The following DCC variants were observed in gnomAD, a reference collection of about 807,000 sequenced individuals.
DCC encodes the protein DCC netrin 1 receptor, also known as netrin receptor DCC.
DCC carries 58 observed loss-of-function variants against 172.5 expected under a neutral mutation model. That is an observed-to-expected ratio of 0.34 (90% CI 0.27 to 0.42). The LOEUF is 0.42. Among genes scored for constraint, DCC ranks in the 10% least tolerant of loss-of-function variants. The probability of loss-of-function intolerance (pLI) is 1.00; values close to 1 mark genes in which losing one functional copy is unlikely to be tolerated. For synonymous variants in DCC, 709 were observed against 644.5 expected, an observed-to-expected ratio of 1.10 and a Z score of -1.52; for missense variants, 1,740 against 1,791.0, an observed-to-expected ratio of 0.97 and a Z score of 0.51.
chr18:52,999,908 T>C (rs1437039392), intron 5 of DCC, among the ~76,000 whole-genome samples: 1 of 152,066 alleles, frequency 6.6e-6, no homozygotes, highest in African/African-American at 2.4e-5. Flanking sequence ...AGGATAGGCC[T>C]TTAATACTGG....
intron 1 of DCC, among the ~76,000 whole-genome samples, chr18:52,644,376 A>G (rs2034969677): frequency 6.6e-6 from 1 of 152,160 alleles, no homozygotes; most frequent in Admixed American, 6.5e-5. Context: ...CAGGAGATCG[A>G]GACCATCCTG....
At chr18:53,469,650 A>C in intron 25 of DCC, among the ~76,000 whole-genome samples, 1 of 151,952 alleles carries the variant, frequency 6.6e-6, no homozygotes. Context: ...CCTTTCCTGC[A>C]TCATCAGTTT....
At chr18:52,652,826 G>A (rs1340706974) in intron 1 of DCC, among the ~76,000 whole-genome samples, 1 of 151,560 alleles carries the variant, frequency 6.6e-6, no homozygotes, top group Non-Finnish European at 1.5e-5. Context: ...GCCTTCATCA[G>A]GGGACTGGTT....
intron 19 of DCC, among the ~76,000 whole-genome samples, chr18:53,404,870 G>A (rs947436156): frequency 2.6e-5 from 4 of 151,992 alleles, no homozygotes; most frequent in Non-Finnish European, 5.9e-5. Flanking sequence ...TACGTTCAAT[G>A]GATCTTACTA....
chr18:53,196,106 G>A lies in DCC; in HGVS notation c.1574-9110G>A, dbSNP rs148228714. On this transcript the variant is annotated intron_variant, in intron 9 of 28. Coordinates refer to ENST00000442544, the MANE Select transcript of DCC (RefSeq NM_005215.4). ...TATTTTTAAGTCAGTGTGATTAGGT[G>A]TATATGACATCAAGCTGTCAGTAAT... is the stretch of plus-strand genomic sequence containing the variant. Among the ~76,000 whole-genome samples the A allele has an allele frequency of 3.8e-3, 580 of 152,290 alleles. 2 individuals are homozygous for A. Among genetic ancestry groups the A allele is most frequent in the African/African-American group, 0.014 (562 of 41,564 alleles).
intron 9 of DCC, among the ~76,000 whole-genome samples, chr18:53,186,503 G>A (rs2055284449): frequency 6.6e-6 from 1 of 152,124 alleles, no homozygotes; most frequent in African/African-American, 2.4e-5. Context: ...TTAGGCAACC[G>A]CTTTGATGGA....
intron 1 of DCC, among the ~76,000 whole-genome samples, chr18:52,647,142 G>T (rs1402898518): frequency 6.6e-6 from 1 of 152,128 alleles, no homozygotes; most frequent in Non-Finnish European, 1.5e-5. Flanking sequence ...TCTCAGTATT[G>T]ACCTTCTCAT....
chr18:52,364,727 A>T (rs1395990316), intron 1 of DCC, among the ~76,000 whole-genome samples: 2 of 152,142 alleles, frequency 1.3e-5, no homozygotes, highest in African/African-American at 4.8e-5. Flanking sequence ...TTGCTTACTC[A>T]TTGATCCTGG....
intron 2 of DCC, among the ~76,000 whole-genome samples, chr18:52,772,858 T>C (rs1223196021): frequency 6.6e-6 from 1 of 152,238 alleles, no homozygotes; most frequent in Non-Finnish European, 1.5e-5. Flanking sequence ...AGTATACATG[T>C]TTCTCCTTCT....
chr18:53,416,283 C>T (rs2270951), intron 21 of DCC, 127 bp downstream of exon 21: 359,929 of 750,360 alleles, frequency 0.48, 92,598 homozygotes, highest in Non-Finnish European at 0.55. Flanking sequence ...ACTGGCGTGA[C>T]GATTAATCTT....
chr18:53,240,769 AT>A (rs1426746832), intron 12 of DCC, among the ~76,000 whole-genome samples: 1 of 151,936 alleles, frequency 6.6e-6, no homozygotes, highest in Non-Finnish European at 1.5e-5. Context: ...TAATATTTCC[AT>A]TTTTCTCTGA....
chr18:52,479,261 A>T (rs924475708), intron 1 of DCC, among the ~76,000 whole-genome samples: 1 of 152,214 alleles, frequency 6.6e-6, no homozygotes, highest in Non-Finnish European at 1.5e-5. Flanking sequence ...GATTTAATCT[A>T]TCTTTTTAAG....
chr18:52,889,517 G>A (rs1308367817), intron 2 of DCC, among the ~76,000 whole-genome samples: 2 of 152,122 alleles, frequency 1.3e-5, no homozygotes, highest in Non-Finnish European at 2.9e-5. Context: ...CAGATATGTA[G>A]CTATTGACAT....
At chr18:52,587,327 A>T (rs1144091) in intron 1 of DCC, among the ~76,000 whole-genome samples, 1 of 152,174 alleles carries the variant, frequency 6.6e-6, no homozygotes, top group African/African-American at 2.4e-5. Flanking sequence ...TTGTTCATAG[A>T]CCCATTGGGC....
intron 2 of DCC, among the ~76,000 whole-genome samples, chr18:52,862,864 T>C (rs2039165594): frequency 6.6e-6 from 1 of 152,190 alleles, no homozygotes; most frequent in Non-Finnish European, 1.5e-5. Context: ...TTTATTTCTT[T>C]AGTTTACTTA....
In DCC at chr18:52,368,862, A is replaced by C. The variant is rs59293722; in HGVS notation, c.91+27984A>C. Among the ~76,000 whole-genome samples, 44 of 152,280 alleles carry C rather than the reference A, an allele frequency of 2.9e-4. 1 individual carries two copies. In the East Asian group the frequency reaches 8.5e-3, roughly 29 times the overall value. ...AAGACTGCTAGTCCTGCTTATGTCCAAGGGAGGGCTGAGCATCAAGTGATA... is the reference window on the plus strand; with the variant it reads ...AAGACTGCTAGTCCTGCTTATGTCCCAGGGAGGGCTGAGCATCAAGTGATA... On this transcript the variant is annotated intron_variant, in intron 1 of 28. Transcript: ENST00000442544.
chr18:53,064,493 A>G (rs998759381), intron 6 of DCC, among the ~76,000 whole-genome samples: 6 of 152,132 alleles, frequency 3.9e-5, no homozygotes, highest in African/African-American at 1.4e-4. Flanking sequence ...TAGTCATCCT[A>G]TGAGTCCAGA....
At chr18:53,114,967 T>A (rs1026988976) in intron 7 of DCC, among the ~76,000 whole-genome samples, 12 of 151,832 alleles carry the variant, frequency 7.9e-5, no homozygotes, top group African/African-American at 2.9e-4. Flanking sequence ...ACACATGAAC[T>A]GTTGCATTCT....
At chr18:53,039,145 C>A (rs1052835391) in intron 5 of DCC, among the ~76,000 whole-genome samples, 2 of 151,968 alleles carry the variant, frequency 1.3e-5, no homozygotes, top group African/African-American at 2.4e-5. Flanking sequence ...TAGCTTTCAG[C>A]AATGTGGGAT....
Sources: gnomAD v4.1 joint callset for allele counts (sites outside exome capture counted in the v4.1 genomes callset) on GRCh38, gnomAD v4.1.1 for gene constraint, MANE v1.5 for transcripts, NCBI Gene and HGNC (gene_info 2026-07-23, HGNC 2026-07-21) for gene names.